Variants in CD58 observed in about 807,000 individuals in gnomAD.
CD58 encodes CD58 molecule.
In CD58, 14 loss-of-function variants were observed where a neutral mutation model predicts 27.6. The ratio of observed to expected loss-of-function variants is 0.51; its 90% CI spans 0.34 to 0.79. The LOEUF (loss-of-function observed/expected upper bound fraction) is 0.79, where lower values mean the gene tolerates loss of function less well. Ranked by LOEUF, CD58 falls within the 30% of genes least tolerant of loss-of-function variation. The probability of loss-of-function intolerance (pLI) is 0.02; values close to 1 mark genes in which losing one functional copy is unlikely to be tolerated. For missense variants in CD58, 268 were observed against 301.7 expected, an observed-to-expected ratio of 0.89 and a Z score of 0.83; for synonymous variants, 117 against 103.8, an observed-to-expected ratio of 1.13 and a Z score of -0.77.
rs1557836606 is a variant in CD58 at position 116,536,281 on chromosome 1, T to C, written c.365-53A>G. 2 of 1,401,594 alleles carry C rather than the reference T, an allele frequency of 1.4e-6. No homozygotes were observed. Among genetic ancestry groups the C allele is most frequent in the Admixed American group, 2.1e-5 (1 of 46,824 alleles). 86.8% of individuals were successfully genotyped at this position (1,401,594 alleles called of 1,614,324 possible). A position where few individuals can be genotyped will look rare whatever the true frequency, so the allele number is the denominator to read the frequency against. On this transcript the variant is annotated intron_variant, in intron 2 of 5. Transcript: ENST00000369489. This position sits in a 1 kb window ranked among gnomAD's most constrained non-coding sequence, Gnocchi z 5.4. ...CAGAAAATAGTAATATTTAGACTTA[T>C]CATCTGCAAATTTATGAAGAGCTCG...
chr1:116,570,770 T>C lies in CD58; in HGVS notation c.70+133A>G. ...TGAAAAGGCTCCCACGGCTGAGTTG[T>C]TCCCGGCCCACAGCGACCCGTCCCC... is the stretch of plus-strand genomic sequence containing the variant. On this transcript the variant is annotated intron_variant, in intron 1 of 5. Transcript: ENST00000369489. The surrounding 1 kb of genome is among the most constrained non-coding windows in gnomAD (Gnocchi z 6.4). 1.6e-6 allele frequency: 1 copy of C among 634,120 alleles called. No homozygotes were observed. Among genetic ancestry groups the C allele is most frequent in the Non-Finnish European group, 2.7e-6 (1 of 377,044 alleles). The allele number at this position is 634,120 out of a possible 1,614,324, so 39.3% of individuals were successfully genotyped here.
In CD58 at chr1:116,515,077, C is replaced by T. The variant is rs1308750170; in HGVS notation, c.744-255G>A. On this transcript the variant is annotated intron_variant, in intron 5 of 5. Transcript: ENST00000369489. The surrounding 1 kb of genome is among the most constrained non-coding windows in gnomAD (Gnocchi z 4.6). The stretch of plus-strand genomic sequence containing the variant: ...AGCCCCAAGGCTCCTCCCGCTTACT[C>T]TCTGAGTATAACTGAAAGATTGAAC... Among the ~76,000 whole-genome samples the T allele has an allele frequency of 6.6e-6, 1 of 152,240 alleles. No individual in the cohort carries two copies. Among genetic ancestry groups the T allele is most frequent in the African/African-American group, 2.4e-5 (1 of 41,466 alleles).
At position 116,519,447 on chromosome 1, in the gene CD58, G is replaced by A. The variant is rs2101152922; in HGVS notation, c.707-180C>T. On this transcript the variant is annotated intron_variant, in intron 4 of 5. Transcript: ENST00000369489. This position sits in a 1 kb window ranked among gnomAD's most constrained non-coding sequence, Gnocchi z 4.7. ...ATCGGCTACAGAGCTGGTCCAAAGA[G>A]TTGTTCAAAAATTGGTCAGAACATG... 3 of 656,350 alleles carry A rather than the reference G, an allele frequency of 4.6e-6. No homozygotes were observed. The South Asian group carries it at 5.0e-5, about 11-fold the overall frequency. 40.7% of individuals were successfully genotyped at this position (656,350 alleles called of 1,614,324 possible). A position where few individuals can be genotyped will look rare whatever the true frequency, so the allele number is the denominator to read the frequency against.
chr1:116,567,596 C>T (rs578020113), intron 1 of CD58, among the ~76,000 whole-genome samples: 23 of 152,224 alleles, frequency 1.5e-4, no homozygotes, highest in African/African-American at 4.8e-4. Context: ...TGTGATAGCA[C>T]CCCTGTACTC....
rs952991156 is a variant in CD58, at chr1:116,563,159, T to C, written c.70+7744A>G. Among the ~76,000 whole-genome samples the C allele has an allele frequency of 2.6e-5, 4 of 152,176 alleles. No individual in the cohort carries two copies. The highest frequency in any genetic ancestry group is 1.3e-4 in the Admixed American group (2 of 15,278). On this transcript the variant is annotated intron_variant, in intron 1 of 5. Coordinates refer to ENST00000369489, the MANE Select transcript of CD58 (RefSeq NM_001779.3). The surrounding 1 kb of genome is among the most constrained non-coding windows in gnomAD (Gnocchi z 4.1). Reference sequence around the variant, plus strand: ...GGCCCCATGCAAGTCCTAAATCCAATAGGGCAGTCTTAAACCTTAAAGTTC... The same window carrying C: ...GGCCCCATGCAAGTCCTAAATCCAACAGGGCAGTCTTAAACCTTAAAGTTC...
chr1:116,532,357 C>T lies in CD58; in HGVS notation c.628+3608G>A, dbSNP rs1292932222. On this transcript the variant is annotated intron_variant, in intron 3 of 5. Transcript: ENST00000369489. This position sits in a 1 kb window ranked among gnomAD's most constrained non-coding sequence, Gnocchi z 5.1. ...TGAGCTGGTGTGCCACAACCCTGAC[C>T]CAACCCTTAAAAAAGAAGATCAAAA... Among the ~76,000 whole-genome samples the T allele has an allele frequency of 6.6e-6, 1 of 152,180 alleles. No homozygotes were observed. The highest frequency in any genetic ancestry group is 1.5e-5 in the Non-Finnish European group (1 of 68,038).
At chr1:116,533,935 G>C in intron 3 of CD58, 1 of 1,419,538 alleles carries the variant, frequency 7.0e-7, no homozygotes. Context: ...GATGTAGCTG[G>C]AAGGGGTGTG....
In CD58 at chr1:116,559,033, A is replaced by G. The variant is rs1000635530; in HGVS notation, c.70+11870T>C. 6.6e-6 allele frequency among the ~76,000 whole-genome samples: 1 copy of G among 152,250 alleles called. No individual in the cohort carries two copies. Among genetic ancestry groups the G allele is most frequent in the African/African-American group, 2.4e-5 (1 of 41,456 alleles). The stretch of plus-strand genomic sequence containing the variant: ...TTTCAGTGGAGGGAAGAACATAATA[A>G]ATGAAAAAGTAAATATCTTTTATTT... On this transcript the variant is annotated intron_variant, in intron 1 of 5. Transcript: ENST00000369489. This position sits in a 1 kb window ranked among gnomAD's most constrained non-coding sequence, Gnocchi z 4.4.
chr1:116,567,060 A>T (rs1036532092), intron 1 of CD58, among the ~76,000 whole-genome samples: 7 of 151,394 alleles, frequency 4.6e-5, no homozygotes, highest in Non-Finnish European at 1.0e-4. Context: ...GGATCGCTTG[A>T]GTCTGGGAGA....
chr1:116,533,182 C>A, intron 3 of CD58: 1 of 753,950 alleles, frequency 1.3e-6, no homozygotes, highest in Non-Finnish European at 2.5e-6. Context: ...TCCAGTGATT[C>A]TCCGTCCCCA....
chr1:116,533,820 C>A, intron 3 of CD58: 1 of 776,910 alleles, frequency 1.3e-6, no homozygotes, highest in Non-Finnish European at 2.3e-6. Context: ...ATTTTCTTTC[C>A]AAGTCATGAA....
Position 116,527,028 on chromosome 1 carries a change from T to C in CD58, c.629-5045A>G, listed in dbSNP as rs12753939. ...GATTGACTTTTGTATATTAACTTTG[T>C]ATCCTACAAATGTGCTATAGTTTTT... On this transcript the variant is annotated intron_variant, in intron 3 of 5. Coordinates refer to ENST00000369489, the MANE Select transcript of CD58 (RefSeq NM_001779.3). This position sits in a 1 kb window ranked among gnomAD's most constrained non-coding sequence, Gnocchi z 4.4. 1.3e-5 allele frequency among the ~76,000 whole-genome samples: 2 copies of C among 152,254 alleles called. No individual in the cohort carries two copies. The highest frequency in any genetic ancestry group is 1.3e-4 in the Admixed American group (2 of 15,292).
chr1:116,534,532 G>C lies in CD58; in HGVS notation c.628+1433C>G, dbSNP rs1368906978. On this transcript the variant is annotated intron_variant, in intron 3 of 5. Coordinates refer to ENST00000369489, the MANE Select transcript of CD58 (RefSeq NM_001779.3). This position sits in a 1 kb window ranked among gnomAD's most constrained non-coding sequence, Gnocchi z 5.3. ...GCCTCCTCCGCTGGGCCGCCGGCGA[G>C]GAAGCCGCCCGCAGCGCAGAACAAA... Among the ~76,000 whole-genome samples, 1 of 152,204 alleles carries C rather than the reference G, an allele frequency of 6.6e-6. No individual in the cohort carries two copies. The highest frequency in any genetic ancestry group is 2.4e-5 in the African/African-American group (1 of 41,460).
At chr1:116,539,762 C>T (rs2101182784) in intron 2 of CD58, among the ~76,000 whole-genome samples, 1 of 152,304 alleles carries the variant, frequency 6.6e-6, no homozygotes, top group East Asian at 1.9e-4. Flanking sequence ...TCTTTTCCTT[C>T]TATAAATCTT....
At chr1:116,558,413 C>T (rs1658650708) in intron 1 of CD58, among the ~76,000 whole-genome samples, 1 of 152,150 alleles carries the variant, frequency 6.6e-6, no homozygotes, top group Non-Finnish European at 1.5e-5. Flanking sequence ...CATCACGGCA[C>T]ATTTTCAGTT....
Position 116,570,946 on chromosome 1 carries a change from C to T in CD58, c.27G>A (p.Arg9=). Residue 9 remains arginine, a synonymous_variant, in exon 1 of 6, where the codon CGG becomes CGA. Transcript: ENST00000369489. This position sits in a 1 kb window ranked among gnomAD's most constrained non-coding sequence, Gnocchi z 6.4. ...AGACCACGCTGAGGACCCCCAGGGC[C>T]CGCCCCGCGTCGCTCCCAGCAACCA... MVAGSDAG[R]ALGVLSVVCL... The T allele has an allele frequency of 6.4e-7, 1 of 1,566,374 alleles. No homozygotes were observed. The highest frequency in any genetic ancestry group is 8.6e-7 in the Non-Finnish European group (1 of 1,162,540).
At chr1:116,553,901 C>A (rs974090089) in intron 1 of CD58, among the ~76,000 whole-genome samples, 1 of 151,982 alleles carries the variant, frequency 6.6e-6, no homozygotes, top group Non-Finnish European at 1.5e-5. Context: ...AGAAGAAAGG[C>A]CAGGAGGGGG....
chr1:116,564,325 T>A (rs1658862198), intron 1 of CD58, among the ~76,000 whole-genome samples: 2 of 152,232 alleles, frequency 1.3e-5, no homozygotes, highest in Non-Finnish European at 2.9e-5. Flanking sequence ...CTTTCCCACA[T>A]CTTCCTGTCT....
At chr1:116,530,500 C>G (rs970342870) in intron 3 of CD58, among the ~76,000 whole-genome samples, 1 of 152,082 alleles carries the variant, frequency 6.6e-6, no homozygotes, top group Admixed American at 6.5e-5. Flanking sequence ...CCACCGCACC[C>G]GGCTACCTGT....
Sources: gnomAD v4.1 joint callset for allele counts (sites outside exome capture counted in the v4.1 genomes callset) on GRCh38, gnomAD v4.1.1 for gene constraint, Gnocchi (gnomAD v3.1) non-coding constraint, MANE v1.5 for transcripts, NCBI Gene and HGNC (gene_info 2026-07-23, HGNC 2026-07-21) for gene names.